Variants in NRG2 observed in about 807,000 individuals in gnomAD.
NRG2 encodes the protein neuregulin 2, also known as pro-neuregulin-2, membrane-bound isoform.
In NRG2, 27 loss-of-function variants were observed where a neutral mutation model predicts 73.9. That is an observed-to-expected ratio of 0.37 (90% CI 0.27 to 0.50). The LOEUF (loss-of-function observed/expected upper bound fraction) is 0.50. Among genes scored for constraint, NRG2 ranks in the 20% least tolerant of loss-of-function variants. The pLI is 0.96. For missense variants in NRG2, 1,126 were observed against 1,210.1 expected, an observed-to-expected ratio of 0.93 and a Z score of 1.03; for synonymous variants, 532 against 541.0, an observed-to-expected ratio of 0.98 and a Z score of 0.23.
chr5:139,852,645 G>A lies in NRG2; in HGVS notation c.1417-86C>T. Reference sequence around the variant, plus strand: ...TGGGGACAGGGAAGTGATGAGCACTGACTGAGCTCCTGGTTGGGGAGACCC... The same window carrying A: ...TGGGGACAGGGAAGTGATGAGCACTAACTGAGCTCCTGGTTGGGGAGACCC... On this transcript the variant is annotated intron_variant, in intron 7 of 9. Transcript: ENST00000361474. The surrounding 1 kb of genome is among the most constrained non-coding windows in gnomAD (Gnocchi z 4.4). 1 of 1,553,182 alleles carries A rather than the reference G, an allele frequency of 6.4e-7. No individual in the cohort carries two copies. Among genetic ancestry groups the A allele is most frequent in the Non-Finnish European group, 8.7e-7 (1 of 1,145,656 alleles).
At position 139,848,120 on chromosome 5, in the gene NRG2, C is replaced by G; in HGVS notation, c.2350G>C (p.Ala784Pro). The change falls in exon 10 of 10, where the codon GCG becomes CCG. Residue 784 changes from alanine to proline, a missense_variant. Coordinates refer to ENST00000361474, the MANE Select transcript of NRG2 (RefSeq NM_004883.3). Reference protein sequence around the residue: ...ASASDDDADDADGALAAESTP... With the variant: ...ASASDDDADDPDGALAAESTP... Reference sequence around the variant, plus strand: ...CTCTCGGCCGCCAGCGCCCCGTCCGCGTCGTCCGCGTCGTCGTCCGACGCC... The same window carrying G: ...CTCTCGGCCGCCAGCGCCCCGTCCGGGTCGTCCGCGTCGTCGTCCGACGCC... The G allele has an allele frequency of 6.8e-7, 1 of 1,471,396 alleles. No individual in the cohort carries two copies. The highest frequency in any genetic ancestry group is 8.9e-7 in the Non-Finnish European group (1 of 1,119,034). The allele number at this position is 1,471,396 out of a possible 1,614,324, so 91.1% of individuals were successfully genotyped here.
intron 1 of NRG2, among the ~76,000 whole-genome samples, chr5:139,888,838 ACCTT>A (rs1764036315): frequency 6.6e-6 from 1 of 151,998 alleles, no homozygotes; most frequent in African/African-American, 2.4e-5. Flanking sequence ...AGAAAACAAA[ACCTT>A]CCTTTGTCTC....
chr5:139,852,962 C>T lies in NRG2; in HGVS notation c.1358G>A (p.Ser453Asn). 6.2e-7 allele frequency: 1 copy of T among 1,612,664 alleles called. No homozygotes were observed. ...QNMCPAHQNR[S>N]LANGPSHPRL... is the part of the protein sequence containing the mutation. ...GGGGTGGCTGGGCCCATTGGCCAAGCTCCGGTTCTGATGGGCCGGGCACAT... is the reference window on the plus strand; with the variant it reads ...GGGGTGGCTGGGCCCATTGGCCAAGTTCCGGTTCTGATGGGCCGGGCACAT... Residue 453 changes from serine (S) to asparagine (N), a missense_variant, in exon 7 of 10, where the codon AGC becomes AAC. Around this residue, in one of 3 missense-constraint regions of NRG2, gnomAD observed 539 missense variants for 703.2 expected, o/e 0.77. Transcript: ENST00000361474. The surrounding 1 kb of genome is among the most constrained non-coding windows in gnomAD (Gnocchi z 4.4).
intron 1 of NRG2, among the ~76,000 whole-genome samples, chr5:140,033,649 A>G (rs184683269): frequency 2.0e-5 from 3 of 152,320 alleles, no homozygotes; most frequent in Admixed American, 1.3e-4. Flanking sequence ...ATCCAGCCCA[A>G]TAACTCTCAA....
At chr5:139,871,384 G>C (rs1250389716) in intron 4 of NRG2, among the ~76,000 whole-genome samples, 1 of 152,110 alleles carries the variant, frequency 6.6e-6, no homozygotes, top group Non-Finnish European at 1.5e-5. Context: ...ACTGAGGGAG[G>C]CAGAGAGAGA....
At chr5:139,959,913 A>G (rs943973255) in intron 1 of NRG2, among the ~76,000 whole-genome samples, 6 of 152,186 alleles carry the variant, frequency 3.9e-5, no homozygotes, top group African/African-American at 1.4e-4. Context: ...TTCTCTCCCC[A>G]GTTCTTAGAC....
chr5:140,043,066 G>C lies in NRG2; in HGVS notation c.4C>G (p.Arg2Gly). 1 of 1,559,824 alleles carries C rather than the reference G, an allele frequency of 6.4e-7. No homozygotes were observed. Among genetic ancestry groups the C allele is most frequent in the South Asian group, 1.2e-5 (1 of 86,386 alleles). Residue 2 changes from arginine to glycine, a missense_variant, in exon 1 of 10, where the codon CGG becomes GGG. This residue lies in a region of NRG2 where 185 missense variants were observed against 149.0 expected (regional missense o/e 1.24). Transcript: ENST00000361474. This position sits in a 1 kb window ranked among gnomAD's most constrained non-coding sequence, Gnocchi z 6.7. Reference protein sequence around the residue: MRQVCCSALPPP... With the variant: MGQVCCSALPPP... ...GGCAGCGCTGAGCAGCAAACCTGCC[G>C]CATCTGGCCAGGCCATTTGGGGGGC...
intron 1 of NRG2, among the ~76,000 whole-genome samples, chr5:139,909,592 G>A (rs1021756446): frequency 1.3e-5 from 2 of 152,234 alleles, no homozygotes; most frequent in South Asian, 2.1e-4. Flanking sequence ...GTCCTTGGAG[G>A]ATATGAGGCT....
intron 2 of NRG2, among the ~76,000 whole-genome samples, chr5:139,882,395 T>C (rs750472812): frequency 7.9e-5 from 12 of 152,212 alleles, no homozygotes; most frequent in Non-Finnish European, 1.6e-4. Context: ...GTCTTGTCTA[T>C]AGACCCTATT....
rs1762018092 is a variant in NRG2 at position 140,042,581 on chromosome 5, C to CTGTTGGT, written c.488_489insACCAACA (p.Leu164ProfsTer47). The CTGTTGGT allele has an allele frequency of 6.2e-7, 1 of 1,612,482 alleles. No homozygotes were observed. The highest frequency in any genetic ancestry group is 8.5e-7 in the Non-Finnish European group (1 of 1,179,682). Reference sequence around the variant, plus strand: ...CGCTCCGGAGCGGCCACTTGTCCAGCACCTTTACCAACGCCACCCGACCCG... The same window carrying CTGTTGGT: ...CGCTCCGGAGCGGCCACTTGTCCAGCTGTTGGTACCTTTACCAACGCCACCCGACCCG... On this transcript the variant is annotated frameshift_variant, in exon 1 of 10. Coordinates refer to ENST00000361474, the MANE Select transcript of NRG2 (RefSeq NM_004883.3). LOFTEE classifies it high-confidence loss of function.
chr5:139,990,273 ATATTTTATTTTATTT>A (rs56983805), intron 1 of NRG2, among the ~76,000 whole-genome samples: 36 of 145,946 alleles, frequency 2.5e-4, no homozygotes, highest in Middle Eastern at 3.4e-3. Flanking sequence ...CCCACTAGCA[ATATTTTATTTTATTT>A]TATTTTATTT....
chr5:140,037,036 G>A (rs1015407541), intron 1 of NRG2, among the ~76,000 whole-genome samples: 1 of 152,126 alleles, frequency 6.6e-6, no homozygotes, highest in African/African-American at 2.4e-5. Flanking sequence ...TACTTTAAAC[G>A]TACTTCAGAA....
At chr5:139,976,878 G>A (rs1756417421) in intron 1 of NRG2, among the ~76,000 whole-genome samples, 1 of 152,238 alleles carries the variant, frequency 6.6e-6, no homozygotes, top group African/African-American at 2.4e-5. Flanking sequence ...CTGCATGGGA[G>A]TGAGAGAGCC....
At position 140,042,594 on chromosome 5, in the gene NRG2, G is replaced by A; in HGVS notation, c.476C>T (p.Ala159Val). Residue 159 changes from alanine to valine, a missense_variant, in exon 1 of 10, where the codon GCG becomes GTG. Coordinates refer to ENST00000361474, the MANE Select transcript of NRG2 (RefSeq NM_004883.3). ...CCACTTGTCCAGCACCTTTACCAAC[G>A]CCACCCGACCCGAGGCGGGCGGCTC... The part of the protein sequence containing the change: ...TREPPASGRV[A>V]LVKVLDKWPL... 6.2e-7 allele frequency: 1 copy of A among 1,612,240 alleles called. No individual in the cohort carries two copies. The highest frequency in any genetic ancestry group is 8.5e-7 in the Non-Finnish European group (1 of 1,179,638).
intron 1 of NRG2, among the ~76,000 whole-genome samples, chr5:139,989,328 G>C (rs1206763121): frequency 1.3e-5 from 2 of 151,828 alleles, no homozygotes; most frequent in Non-Finnish European, 2.9e-5. Flanking sequence ...CTACTCCTTT[G>C]ATCCATTCTT....
rs1435447358 is a variant in NRG2 at position 139,894,394 on chromosome 5, C to T, written c.701-6883G>A. 6.6e-6 allele frequency among the ~76,000 whole-genome samples: 1 copy of T among 151,910 alleles called. No individual in the cohort carries two copies. Among genetic ancestry groups the T allele is most frequent in the Non-Finnish European group, 1.5e-5 (1 of 67,910 alleles). On this transcript the variant is annotated intron_variant, in intron 1 of 9. Transcript: ENST00000361474. This position sits in a 1 kb window ranked among gnomAD's most constrained non-coding sequence, Gnocchi z 5.0. ...GCCAGCCCCCTTCCCACCCCTGTCC[C>T]ACCCACAAAGTGACTGCAACCTATT...
chr5:140,040,012 C>T (rs984369018), intron 1 of NRG2, among the ~76,000 whole-genome samples: 2 of 152,152 alleles, frequency 1.3e-5, no homozygotes, highest in Non-Finnish European at 2.9e-5. Flanking sequence ...GATTTTGTTT[C>T]CTTATTTAAT....
intron 1 of NRG2, among the ~76,000 whole-genome samples, chr5:139,922,768 A>G (rs906928814): frequency 6.6e-6 from 1 of 152,240 alleles, no homozygotes; most frequent in Non-Finnish European, 1.5e-5. Context: ...ATTATTCAGC[A>G]TTAAAAAAGA....
chr5:139,961,996 C>A (rs1258612315), intron 1 of NRG2, among the ~76,000 whole-genome samples: 1 of 152,158 alleles, frequency 6.6e-6, no homozygotes, highest in African/African-American at 2.4e-5. Context: ...TCTTGCTTTC[C>A]TGACCAGCAC....
Sources: gnomAD v4.1 joint callset for allele counts (sites outside exome capture counted in the v4.1 genomes callset) on GRCh38, gnomAD v4.1.1 for gene constraint, gnomAD v4.1.1 regional missense constraint, Gnocchi (gnomAD v3.1) non-coding constraint, MANE v1.5 for transcripts, NCBI Gene and HGNC (gene_info 2026-07-23, HGNC 2026-07-21) for gene names.